DLC1: variants seen among roughly 807,000 people sequenced by gnomAD.
The protein encoded by DLC1 is rho GTPase-activating protein 7.
DLC1 carries 54 observed loss-of-function variants against 140.3 expected under a neutral mutation model. The ratio of observed to expected loss-of-function variants is 0.38; its 90% CI spans 0.31 to 0.48. The LOEUF (loss-of-function observed/expected upper bound fraction) is 0.48, where lower values mean the gene tolerates loss of function less well. Ranked by LOEUF, DLC1 falls within the 20% of genes least tolerant of loss-of-function variation. DLC1 has a pLI of 0.96. For synonymous variants in DLC1, 986 were observed against 728.1 expected, an observed-to-expected ratio of 1.35 and a Z score of -5.70; for missense variants, 2,536 against 1,907.0, an observed-to-expected ratio of 1.33 and a Z score of -6.14.
intron 5 of DLC1, among the ~76,000 whole-genome samples, chr8:13,297,536 C>A (rs1360285616): frequency 6.6e-6 from 1 of 151,866 alleles, no homozygotes; most frequent in Non-Finnish European, 1.5e-5. Flanking sequence ...GCAAATAGAG[C>A]AAAACATTTG....
At chr8:13,115,236 A>T (rs1460474283) in intron 6 of DLC1, among the ~76,000 whole-genome samples, 2 of 152,232 alleles carry the variant, frequency 1.3e-5, no homozygotes, top group Non-Finnish European at 2.9e-5. Flanking sequence ...CCATGAAATT[A>T]CATACGACAC....
intron 4 of DLC1, among the ~76,000 whole-genome samples, chr8:13,318,137 C>G (rs189294160): frequency 6.6e-6 from 1 of 152,030 alleles, no homozygotes; most frequent in African/African-American, 2.4e-5. Context: ...AAGTGATCCT[C>G]TTGCCTCAGT....
rs80263472 is a variant in DLC1, at chr8:13,552,885, C to T, written c.-126+51652G>A. Among the ~76,000 whole-genome samples the T allele has an allele frequency of 3.2e-3, 491 of 151,528 alleles. 3 individuals are homozygous for T. Among genetic ancestry groups the T allele is most frequent in the African/African-American group, 0.011 (474 of 41,386 alleles). ...CATAAACTAAATCTTTTCTAGAGAG[C>T]ATTAATATGTATTTCACAATGAAGC... is the stretch of plus-strand genomic sequence containing the variant. On this transcript the variant is annotated intron_variant, in intron 1 of 1. Coordinates refer to the DLC1 transcript ENST00000631382.
At chr8:13,554,689 C>T (rs1463388017) in intron 1 of DLC1, among the ~76,000 whole-genome samples, 2 of 152,146 alleles carry the variant, frequency 1.3e-5, no homozygotes, top group Admixed American at 6.5e-5. Flanking sequence ...TTTCTTACCA[C>T]CTCTACTGCT....
chr8:13,311,736 C>G (rs1832670454), intron 4 of DLC1, among the ~76,000 whole-genome samples: 2 of 152,076 alleles, frequency 1.3e-5, no homozygotes, highest in Admixed American at 6.6e-5. Context: ...TGAACAAAGG[C>G]AAAGTTAATT....
At chr8:13,541,164 A>G (rs888038733) in intron 1 of DLC1, among the ~76,000 whole-genome samples, 2 of 152,170 alleles carry the variant, frequency 1.3e-5, no homozygotes, top group Non-Finnish European at 2.9e-5. Flanking sequence ...GTAGTATTCC[A>G]CTGTGAGTCT....
chr8:13,177,722 A>G (rs1208381199), intron 5 of DLC1, among the ~76,000 whole-genome samples: 1 of 151,852 alleles, frequency 6.6e-6, no homozygotes, highest in South Asian at 2.1e-4. Flanking sequence ...ATAGTATTCT[A>G]ATCATGAGTG....
At chr8:13,184,736 A>C (rs1357975384) in intron 5 of DLC1, among the ~76,000 whole-genome samples, 1 of 152,140 alleles carries the variant, frequency 6.6e-6, no homozygotes, top group Non-Finnish European at 1.5e-5. Flanking sequence ...TCAATTTTAG[A>C]ATAAGTGTGA....
intron 1 of DLC1, among the ~76,000 whole-genome samples, chr8:13,560,556 G>A (rs1243371065): frequency 1.3e-5 from 2 of 152,298 alleles, no homozygotes; most frequent in East Asian, 1.9e-4. Flanking sequence ...CCCAAAAGCA[G>A]ATTGTGTAAT....
chr8:13,593,641 G>T (rs922186763), intron 1 of DLC1, among the ~76,000 whole-genome samples: 1 of 152,060 alleles, frequency 6.6e-6, no homozygotes, highest in Non-Finnish European at 1.5e-5. Flanking sequence ...CATTATTAGA[G>T]TGCAATGGAA....
At chr8:13,410,067 C>G (rs1030974098) in intron 2 of DLC1, among the ~76,000 whole-genome samples, 2 of 151,956 alleles carry the variant, frequency 1.3e-5, no homozygotes, top group Admixed American at 6.6e-5. Context: ...TGTCATTAAT[C>G]TCCTATATTA....
chr8:13,562,305 A>G (rs1370223331), intron 1 of DLC1, among the ~76,000 whole-genome samples: 1 of 152,212 alleles, frequency 6.6e-6, no homozygotes, highest in Admixed American at 6.5e-5. Flanking sequence ...GAGAAGAGCT[A>G]TTTGGAACCA....
At chr8:13,517,543 G>T (rs1422979628), upstream of DLC1, among the ~76,000 whole-genome samples, 1 of 152,092 alleles carries the variant, frequency 6.6e-6, no homozygotes, top group African/African-American at 2.4e-5. Flanking sequence ...GTCTTATAAA[G>T]GCTTTACCAA....
intron 2 of DLC1, among the ~76,000 whole-genome samples, chr8:13,416,271 A>C (rs1003101928): frequency 1.3e-5 from 2 of 152,228 alleles, no homozygotes; most frequent in Non-Finnish European, 2.9e-5. Context: ...ATAGCAATTT[A>C]AAAAATTGGC....
rs1801940562 is a variant in DLC1, at chr8:13,504,055, T to C, written c.-125-3859A>G. 4.6e-5 allele frequency among the ~76,000 whole-genome samples: 7 copies of C among 152,202 alleles called. No individual in the cohort carries two copies. In the South Asian group the frequency reaches 1.2e-3, roughly 27 times the overall value. On this transcript the variant is annotated intron_variant, in intron 1 of 17. Coordinates refer to ENST00000276297, the MANE Select transcript of DLC1 (RefSeq NM_182643.3). ...AGAGGTAACAATAAATTCCAGAGAA[T>C]TGCTTGCAACTCGAAAACTCACTAG...
chr8:13,142,163 T>C (rs114543812), intron 5 of DLC1, among the ~76,000 whole-genome samples: 74 of 152,346 alleles, frequency 4.9e-4, no homozygotes, highest in African/African-American at 1.7e-3. Context: ...GATTGTAAGT[T>C]TCCTGAGCCT....
intron 5 of DLC1, among the ~76,000 whole-genome samples, chr8:13,211,672 T>G (rs1387029331): frequency 6.6e-6 from 1 of 152,212 alleles, no homozygotes; most frequent in East Asian, 1.9e-4. Flanking sequence ...CTCTGTCTAT[T>G]AGATACAAAA....
At chr8:13,322,991 C>T (rs1833186296) in intron 4 of DLC1, among the ~76,000 whole-genome samples, 1 of 152,172 alleles carries the variant, frequency 6.6e-6, no homozygotes, top group Non-Finnish European at 1.5e-5. Flanking sequence ...AAGCAGCTCC[C>T]TGTGGGTCAC....
Position 13,353,407 on chromosome 8 carries a change from G to C in DLC1, c.1314+40146C>G, listed in dbSNP as rs181680895. ...AAAACAACAACAGGCCAGGCGTTCT[G>C]GTTGGTTGCCCCATTGAGTAATGAT... On this transcript the variant is annotated intron_variant, in intron 4 of 17. Transcript: ENST00000276297. 17 of 151,868 alleles carry C rather than the reference G, an allele frequency of 1.1e-4. No homozygotes were observed. The East Asian group carries it at 3.3e-3, about 29-fold the overall frequency. 9.4% of individuals were successfully genotyped at this position (151,868 alleles called of 1,614,324 possible). A position where few individuals can be genotyped will look rare whatever the true frequency, so the allele number is the denominator to read the frequency against.
Sources: gnomAD v4.1 joint callset for allele counts (sites outside exome capture counted in the v4.1 genomes callset) on GRCh38, gnomAD v4.1.1 for gene constraint, MANE v1.5 for transcripts, NCBI Gene and HGNC (gene_info 2026-07-23, HGNC 2026-07-21) for gene names.